Variants in CPQ observed in about 807,000 individuals in gnomAD.
CPQ encodes carboxypeptidase Q.
CPQ carries 37 observed loss-of-function variants against 45.7 expected under a neutral mutation model. That is an observed-to-expected ratio of 0.81 (90% confidence interval 0.62 to 1.07). The LOEUF is 1.07. CPQ is among the 50% of genes least tolerant of loss of function. The pLI is 0.00. For missense variants in CPQ, 537 were observed against 572.9 expected, an observed-to-expected ratio of 0.94 and a Z score of 0.64; for synonymous variants, 186 against 205.8, an observed-to-expected ratio of 0.90 and a Z score of 0.82.
intron 1 of CPQ, among the ~76,000 whole-genome samples, chr8:96,710,957 A>G (rs554584526): frequency 3.3e-5 from 5 of 152,110 alleles, no homozygotes; most frequent in Admixed American, 1.3e-4. Context: ...GAAGTTCCCC[A>G]CTATTATTGT....
chr8:96,871,630 T>A (rs891181607), intron 3 of CPQ, among the ~76,000 whole-genome samples: 18 of 151,248 alleles, frequency 1.2e-4, no homozygotes, highest in African/African-American at 4.1e-4. Context: ...TTGATTACAG[T>A]TTAAGAGGGT....
At chr8:96,882,884 A>G (rs927672902) in intron 4 of CPQ, among the ~76,000 whole-genome samples, 3 of 152,150 alleles carry the variant, frequency 2.0e-5, no homozygotes, top group Non-Finnish European at 2.9e-5. Flanking sequence ...ATAATATATA[A>G]TATTTCCACC....
intron 5 of CPQ, among the ~76,000 whole-genome samples, chr8:96,969,857 A>C (rs994569129): frequency 2.0e-5 from 3 of 152,224 alleles, no homozygotes; most frequent in African/African-American, 7.2e-5. Context: ...AAAAGAAAAG[A>C]AAGAGTTTTG....
intron 5 of CPQ, among the ~76,000 whole-genome samples, chr8:97,015,433 T>C (rs942525002): frequency 6.6e-6 from 1 of 151,110 alleles, no homozygotes; most frequent in South Asian, 2.1e-4. Flanking sequence ...AAAAAACAAA[T>C]TCACATATTT....
intron 2 of CPQ, among the ~76,000 whole-genome samples, chr8:96,807,065 A>G (rs921952197): frequency 2.0e-5 from 3 of 152,160 alleles, no homozygotes; most frequent in African/African-American, 7.2e-5. Context: ...TCTATTTGTT[A>G]TCTGATTAAC....
intron 6 of CPQ, among the ~76,000 whole-genome samples, chr8:97,053,042 C>T (rs993673879): frequency 1.3e-5 from 2 of 152,130 alleles, no homozygotes; most frequent in African/African-American, 4.8e-5. Flanking sequence ...ACATGAGTAA[C>T]CACATCATCA....
intron 4 of CPQ, among the ~76,000 whole-genome samples, chr8:96,939,240 G>T (rs1197650531): frequency 6.6e-6 from 1 of 152,118 alleles, no homozygotes; most frequent in Non-Finnish European, 1.5e-5. Context: ...ATTACCTAAG[G>T]AGCATGCATG....
chr8:96,780,626 C>T (rs946885205), intron 1 of CPQ, among the ~76,000 whole-genome samples: 2 of 151,978 alleles, frequency 1.3e-5, no homozygotes, highest in Admixed American at 6.6e-5. Context: ...AAAATCAAAT[C>T]AGGTGAATAT....
At chr8:96,669,635 C>G (rs1290007382) in intron 1 of CPQ, among the ~76,000 whole-genome samples, 1 of 152,086 alleles carries the variant, frequency 6.6e-6, no homozygotes, top group Non-Finnish European at 1.5e-5. Context: ...AAATTGTGGA[C>G]AAGTTCTAAT....
At chr8:96,665,683 C>T (rs1193089427) in intron 1 of CPQ, among the ~76,000 whole-genome samples, 1 of 152,162 alleles carries the variant, frequency 6.6e-6, no homozygotes, top group Admixed American at 6.5e-5. Context: ...GCATACCTGG[C>T]TCTCCAGGGT....
At chr8:96,823,997 T>C (rs901208882) in intron 2 of CPQ, among the ~76,000 whole-genome samples, 2 of 152,074 alleles carry the variant, frequency 1.3e-5, no homozygotes, top group Non-Finnish European at 2.9e-5. Flanking sequence ...TGTCTTCATA[T>C]TCTAATCTAC....
In CPQ at chr8:97,058,320, T is replaced by C. The variant is rs542317185; in HGVS notation, c.1054-7689T>C. Among the ~76,000 whole-genome samples the C allele has an allele frequency of 3.7e-4, 56 of 152,226 alleles. No homozygotes were observed. In the South Asian group the frequency reaches 3.7e-3, roughly 10 times the overall value. Reference sequence around the variant, plus strand: ...ACTTATGGGTAGATGAACTTAGCGGTCCATTATAACCTTAGAAAGGGACTT... The same window carrying C: ...ACTTATGGGTAGATGAACTTAGCGGCCCATTATAACCTTAGAAAGGGACTT... On this transcript the variant is annotated intron_variant, in intron 6 of 7. Transcript: ENST00000220763.
chr8:96,995,270 G>T (rs899953568), intron 5 of CPQ, among the ~76,000 whole-genome samples: 1 of 152,008 alleles, frequency 6.6e-6, no homozygotes, highest in Non-Finnish European at 1.5e-5. Context: ...TTATAAGAGG[G>T]CCTAAAATAT....
At chr8:97,091,531 C>G (rs934591044) in intron 7 of CPQ, among the ~76,000 whole-genome samples, 1 of 152,124 alleles carries the variant, frequency 6.6e-6, no homozygotes, top group African/African-American at 2.4e-5. Context: ...GATCAGATAC[C>G]TTTGTAGCAT....
intron 7 of CPQ, among the ~76,000 whole-genome samples, chr8:97,082,050 A>G (rs1285865654): frequency 6.6e-6 from 1 of 152,216 alleles, no homozygotes; most frequent in Non-Finnish European, 1.5e-5. Flanking sequence ...CTAGATTCCT[A>G]CAGTACTAAG....
At chr8:96,934,443 A>G (rs1356692921) in intron 4 of CPQ, among the ~76,000 whole-genome samples, 2 of 152,104 alleles carry the variant, frequency 1.3e-5, no homozygotes, top group Non-Finnish European at 2.9e-5. Context: ...CGCATTAAGT[A>G]TGTCAGCCGC....
At chr8:96,745,162 G>T (rs1401282705) in intron 1 of CPQ, among the ~76,000 whole-genome samples, 2 of 152,160 alleles carry the variant, frequency 1.3e-5, no homozygotes, top group African/African-American at 4.8e-5. Flanking sequence ...ACAAAAATTA[G>T]CTGGGCATGG....
At chr8:96,718,873 T>C (rs1363874250) in intron 1 of CPQ, among the ~76,000 whole-genome samples, 1 of 152,114 alleles carries the variant, frequency 6.6e-6, no homozygotes, top group African/African-American at 2.4e-5. Flanking sequence ...ATTGGTGCAT[T>C]CACAAACCCT....
chr8:96,685,857 A>G (rs1323947245), intron 1 of CPQ, among the ~76,000 whole-genome samples: 1 of 152,092 alleles, frequency 6.6e-6, no homozygotes, highest in Non-Finnish European at 1.5e-5. Context: ...TTATCCATCA[A>G]TATCCCTCAC....
Sources: gnomAD v4.1 joint callset for allele counts (sites outside exome capture counted in the v4.1 genomes callset) on GRCh38, gnomAD v4.1.1 for gene constraint, MANE v1.5 for transcripts, NCBI Gene and HGNC (gene_info 2026-07-23, HGNC 2026-07-21) for gene names.